The following PPM1H variants were observed in gnomAD, a reference collection of about 807,000 sequenced individuals.
The protein encoded by PPM1H is protein phosphatase, Mg2+/Mn2+ dependent 1H.
In PPM1H, 27 loss-of-function variants were observed where a neutral mutation model predicts 54.9. That is an observed-to-expected ratio of 0.49 (90% CI 0.36 to 0.68). The LOEUF is 0.68. Among genes scored for constraint, PPM1H ranks in the 30% least tolerant of loss-of-function variants. PPM1H has a pLI of 0.00. For missense variants in PPM1H, 596 were observed against 667.8 expected (o/e 0.89, Z 1.19); for synonymous variants, 305 against 270.8 (o/e 1.13, Z -1.24).
intron 3 of PPM1H, among the ~76,000 whole-genome samples, chr12:62,796,838 T>C (rs2076737218): frequency 6.6e-6 from 1 of 152,222 alleles, no homozygotes; most frequent in Non-Finnish European, 1.5e-5. Context: ...TTCACATTAA[T>C]ACACCTGACA....
intron 1 of PPM1H, among the ~76,000 whole-genome samples, chr12:62,912,465 A>T (rs965822360): frequency 1.3e-5 from 2 of 152,166 alleles, no homozygotes; most frequent in Non-Finnish European, 2.9e-5. Context: ...AGGCAGAAGG[A>T]ATAGGAGGGG....
chr12:62,935,134 C>T lies in PPM1H; in HGVS notation c.-398G>A, dbSNP rs1872292527. ...GCCGCCGCGGCTGCTGCCACGGCTACTGCCGCCGGGTCATGTGATAATCAG... is the reference window on the plus strand; with the variant it reads ...GCCGCCGCGGCTGCTGCCACGGCTATTGCCGCCGGGTCATGTGATAATCAG... On this transcript the variant is annotated 5_prime_UTR_variant, in exon 1 of 10. Transcript: ENST00000228705. The T allele has an allele frequency of 6.5e-6, 1 of 154,604 alleles. No individual in the cohort carries two copies. The highest frequency in any genetic ancestry group is 1.4e-5 in the Non-Finnish European group (1 of 69,710). 9.6% of individuals were successfully genotyped at this position (154,604 alleles called of 1,614,324 possible).
intron 8 of PPM1H, among the ~76,000 whole-genome samples, chr12:62,672,345 G>A (rs1565751685): frequency 6.6e-6 from 1 of 152,210 alleles, no homozygotes; most frequent in African/African-American, 2.4e-5. Context: ...CAACAAAGGA[G>A]ACAGGCAACT....
At chr12:62,929,565 C>G (rs1004070584) in intron 1 of PPM1H, among the ~76,000 whole-genome samples, 1 of 152,148 alleles carries the variant, frequency 6.6e-6, no homozygotes, top group African/African-American at 2.4e-5. Flanking sequence ...GGGGTCATAG[C>G]AGAGATGCGG....
chr12:62,686,649 G>A (rs2076053870), intron 8 of PPM1H, among the ~76,000 whole-genome samples: 1 of 152,158 alleles, frequency 6.6e-6, no homozygotes. Flanking sequence ...ATGTAGTCAT[G>A]GTCTTCATTA....
At chr12:62,901,386 T>C (rs1871160425) in intron 1 of PPM1H, among the ~76,000 whole-genome samples, 1 of 152,232 alleles carries the variant, frequency 6.6e-6, no homozygotes, top group African/African-American at 2.4e-5. Flanking sequence ...TGGAACTTAC[T>C]GTCTAGTTTC....
intron 1 of PPM1H, among the ~76,000 whole-genome samples, chr12:62,884,936 A>G (rs1870533139): frequency 1.3e-5 from 2 of 152,162 alleles, no homozygotes; most frequent in African/African-American, 2.4e-5. Flanking sequence ...GTCTATTTTC[A>G]TGCTGCTGAT....
At chr12:62,824,873 A>G (rs1341839270) in intron 2 of PPM1H, among the ~76,000 whole-genome samples, 1 of 152,168 alleles carries the variant, frequency 6.6e-6, no homozygotes, top group Non-Finnish European at 1.5e-5. Context: ...ACCAAAAGCA[A>G]TGGCAACAAA....
At chr12:62,820,079 C>T (rs146889377) in intron 2 of PPM1H, among the ~76,000 whole-genome samples, 347 of 152,360 alleles carry the variant, frequency 2.3e-3, no homozygotes, top group African/African-American at 7.9e-3. Context: ...CCAAATACTG[C>T]GCTTTTCCAA....
intron 1 of PPM1H, among the ~76,000 whole-genome samples, chr12:62,905,817 C>T (rs970090448): frequency 1.3e-5 from 2 of 152,138 alleles, no homozygotes; most frequent in African/African-American, 2.4e-5. Flanking sequence ...GATAATACCC[C>T]TTCCATGTCT....
At chr12:62,888,213 A>AT (rs1870660571) in intron 1 of PPM1H, among the ~76,000 whole-genome samples, 1 of 152,152 alleles carries the variant, frequency 6.6e-6, no homozygotes, top group Non-Finnish European at 1.5e-5. Flanking sequence ...TTCATCAACT[A>AT]GGTGGATGGT....
chr12:62,707,217 G>A (rs898249053), intron 6 of PPM1H, among the ~76,000 whole-genome samples: 5 of 152,168 alleles, frequency 3.3e-5, no homozygotes, highest in Non-Finnish European at 5.9e-5. Context: ...GTGAAGCCTG[G>A]ACTATCCAGG....
intron 8 of PPM1H, among the ~76,000 whole-genome samples, chr12:62,670,720 C>T (rs867208876): frequency 6.6e-6 from 1 of 152,136 alleles, no homozygotes; most frequent in African/African-American, 2.4e-5. Flanking sequence ...TGCTCGGCTC[C>T]CTAATGTAGT....
intron 2 of PPM1H, among the ~76,000 whole-genome samples, chr12:62,818,412 T>G (rs1166214500): frequency 6.6e-6 from 1 of 152,154 alleles, no homozygotes; most frequent in African/African-American, 2.4e-5. Context: ...CAATGGTGAT[T>G]CATGTGCACA....
chr12:62,864,263 G>C (rs571578353), intron 1 of PPM1H, among the ~76,000 whole-genome samples: 1 of 152,340 alleles, frequency 6.6e-6, no homozygotes, highest in South Asian at 2.1e-4. Flanking sequence ...CTTCTACAAA[G>C]CAAGTTTGCA....
At position 62,682,231 on chromosome 12, in the gene PPM1H, T is replaced by G. The variant is rs138862562; in HGVS notation, c.1245+7468A>C. Among the ~76,000 whole-genome samples the G allele has an allele frequency of 4.0e-3, 615 of 152,354 alleles. 4 individuals carry two copies. Among genetic ancestry groups the G allele is most frequent in the African/African-American group, 0.014 (588 of 41,580 alleles). ...TCGGCCATGCATATATGCTTTTTTC[T>G]GCATATCATCACTCTCTTTGTATGA... On this transcript the variant is annotated intron_variant, in intron 8 of 9. Transcript: ENST00000228705.
At chr12:62,739,000 G>A (rs1007466449) in intron 4 of PPM1H, among the ~76,000 whole-genome samples, 2 of 151,404 alleles carry the variant, frequency 1.3e-5, no homozygotes, top group African/African-American at 2.4e-5. Flanking sequence ...CGGGGGCGGC[G>A]GAGGGGCGGG....
intron 9 of PPM1H, among the ~76,000 whole-genome samples, chr12:62,650,622 T>C (rs1379605209): frequency 1.3e-5 from 2 of 152,218 alleles, no homozygotes; most frequent in African/African-American, 4.8e-5. Context: ...AGAGGTTTAA[T>C]TGTCTCACAG....
chr12:62,858,218 C>T (rs1224967221), intron 1 of PPM1H, among the ~76,000 whole-genome samples: 1 of 152,048 alleles, frequency 6.6e-6, no homozygotes, highest in African/African-American at 2.4e-5. Flanking sequence ...TCTTTCTACC[C>T]TATTAAATTG....
Sources: gnomAD v4.1 joint callset for allele counts (sites outside exome capture counted in the v4.1 genomes callset) on GRCh38, gnomAD v4.1.1 for gene constraint, MANE v1.5 for transcripts, NCBI Gene and HGNC (gene_info 2026-07-23, HGNC 2026-07-21) for gene names.